The following GRID1 variants were observed in gnomAD, a reference collection of about 807,000 sequenced individuals.
GRID1 encodes the protein glutamate ionotropic receptor delta type subunit 1, also known as glutamate receptor ionotropic, delta-1.
A neutral mutation model predicts 98.0 loss-of-function variants in GRID1; 28 were observed. That is an observed-to-expected ratio of 0.29 (90% confidence interval 0.21 to 0.39). GRID1 has a LOEUF of 0.39. Ranked by LOEUF, GRID1 falls within the 10% of genes least tolerant of loss-of-function variation. The pLI is 1.00. For missense variants in GRID1, 1,111 were observed against 1,340.5 expected, an observed-to-expected ratio of 0.83 and a Z score of 2.67; for synonymous variants, 553 against 538.5, an observed-to-expected ratio of 1.03 and a Z score of -0.37.
At chr10:86,248,645 T>C (rs1369823126) in intron 2 of GRID1, among the ~76,000 whole-genome samples, 1 of 144,506 alleles carries the variant, frequency 6.9e-6, no homozygotes, top group East Asian at 2.4e-4. Flanking sequence ...CAATCTCAAC[T>C]CACTGCAACC....
intron 12 of GRID1, among the ~76,000 whole-genome samples, chr10:85,704,669 C>A (rs1227750830): frequency 6.6e-6 from 1 of 152,172 alleles, no homozygotes; most frequent in Non-Finnish European, 1.5e-5. Context: ...AATATACATT[C>A]TTTTCAGCAA....
At position 85,613,533 on chromosome 10, in the gene GRID1, G is replaced by T. The variant is rs764005467; in HGVS notation, c.2475C>A (p.Ser825=). The T allele has an allele frequency of 2.5e-6, 4 of 1,614,216 alleles. No individual in the cohort carries two copies. The highest frequency in any genetic ancestry group is 3.4e-6 in the Non-Finnish European group (4 of 1,180,046). ...SHASAQADGK[S]LKLHSFAGVF... is the part of the protein sequence containing the mutation. ...CCCCGGCGAAGCTGTGCAGCTTGAG[G>T]GATTTGCCGTCGGCCTGGGCGCTGG... The change falls in exon 15 of 16, where the codon TCC becomes TCA. Residue 825 remains serine (S), a synonymous_variant. Transcript: ENST00000327946.
At chr10:86,005,462 T>C (rs772208269) in intron 4 of GRID1, among the ~76,000 whole-genome samples, 8 of 152,186 alleles carry the variant, frequency 5.3e-5, no homozygotes, top group Non-Finnish European at 7.3e-5. Flanking sequence ...TGGTTAATCA[T>C]GTAGATTAGG....
chr10:86,366,024 G>A lies in GRID1; in HGVS notation c.79+290C>T, dbSNP rs900293636. On this transcript the variant is annotated intron_variant, in intron 1 of 15. Transcript: ENST00000327946. The surrounding 1 kb of genome is among the most constrained non-coding windows in gnomAD (Gnocchi z 4.1). Reference sequence around the variant, plus strand: ...CCGCCGACGGCCCCGCTAAGGGCGCGGGTCTCGACGCGCGTCCATCCCGGT... The same window carrying A: ...CCGCCGACGGCCCCGCTAAGGGCGCAGGTCTCGACGCGCGTCCATCCCGGT... Among the ~76,000 whole-genome samples the A allele has an allele frequency of 6.6e-6, 1 of 152,050 alleles. No homozygotes were observed. Among genetic ancestry groups the A allele is most frequent in the Non-Finnish European group, 1.5e-5 (1 of 67,978 alleles).
At chr10:85,613,699 C>T in intron 14 of GRID1, 52 bp from the exon 15 acceptor site, 1 of 1,575,796 alleles carries the variant, frequency 6.3e-7, no homozygotes, top group Non-Finnish European at 8.6e-7. Flanking sequence ...TCAACTCAGC[C>T]ACCGGGGCCC....
chr10:86,284,199 T>A (rs1328017169), intron 2 of GRID1, among the ~76,000 whole-genome samples: 2 of 151,080 alleles, frequency 1.3e-5, no homozygotes, highest in East Asian at 3.9e-4. Context: ...CCTGCCCTCA[T>A]ACACACACCT....
At chr10:85,776,906 G>A (rs1842336831) in intron 8 of GRID1, among the ~76,000 whole-genome samples, 1 of 152,212 alleles carries the variant, frequency 6.6e-6, no homozygotes, top group Non-Finnish European at 1.5e-5. Context: ...GGGGACACAG[G>A]GAGGCAGAAA....
chr10:86,107,932 C>T (rs749031904), intron 4 of GRID1, among the ~76,000 whole-genome samples: 1 of 152,198 alleles, frequency 6.6e-6, no homozygotes, highest in Non-Finnish European at 1.5e-5. Context: ...AAACCTTGCA[C>T]TCATTCTCCA....
chr10:86,031,647 A>G (rs914373871), intron 4 of GRID1, among the ~76,000 whole-genome samples: 3 of 151,768 alleles, frequency 2.0e-5, no homozygotes, highest in African/African-American at 7.3e-5. Context: ...CAAAGCCCCT[A>G]CCACCTCTTG....
intron 2 of GRID1, among the ~76,000 whole-genome samples, chr10:86,287,681 G>T (rs956362580): frequency 2.0e-5 from 3 of 152,016 alleles, no homozygotes; most frequent in Non-Finnish European, 4.4e-5. Context: ...GCGTATCCTC[G>T]TTTGCCCAGC....
At chr10:86,064,381 CAG>C (rs935998091) in intron 4 of GRID1, among the ~76,000 whole-genome samples, 18 of 152,206 alleles carry the variant, frequency 1.2e-4, no homozygotes, top group African/African-American at 4.3e-4. Context: ...TCTGGGGAGA[CAG>C]GGACAAGAGG....
chr10:85,988,686 T>C (rs527977322), intron 4 of GRID1, among the ~76,000 whole-genome samples: 1 of 152,300 alleles, frequency 6.6e-6, no homozygotes, highest in East Asian at 1.9e-4. Context: ...CACAGGTTGG[T>C]GGTGTGGCCT....
chr10:85,729,929 T>C (rs1401001305), intron 8 of GRID1, among the ~76,000 whole-genome samples: 1 of 152,252 alleles, frequency 6.6e-6, no homozygotes, highest in Non-Finnish European at 1.5e-5. Context: ...AGAGGCCATG[T>C]CACTGTGATG....
intron 4 of GRID1, among the ~76,000 whole-genome samples, chr10:86,030,864 C>T (rs948542798): frequency 6.6e-6 from 1 of 152,166 alleles, no homozygotes; most frequent in African/African-American, 2.4e-5. Context: ...AGGTGAATGC[C>T]AGCAGGAACT....
intron 2 of GRID1, among the ~76,000 whole-genome samples, chr10:86,329,113 C>T (rs980339244): frequency 2.6e-5 from 4 of 152,224 alleles, no homozygotes; most frequent in East Asian, 1.9e-4. Flanking sequence ...GACAAATATC[C>T]GCCAGCATTG....
At chr10:85,857,044 G>A (rs73338595) in intron 6 of GRID1, among the ~76,000 whole-genome samples, 22,113 of 152,164 alleles carry the variant, frequency 0.15, 1,721 homozygotes, top group Middle Eastern at 0.19. Context: ...CACTCTGGTC[G>A]CCGGACACGC....
At chr10:85,887,221 C>G (rs935835655) in intron 5 of GRID1, among the ~76,000 whole-genome samples, 2 of 152,156 alleles carry the variant, frequency 1.3e-5, no homozygotes, top group Admixed American at 1.3e-4. Context: ...GACCAAGGCT[C>G]CATGGAGATC....
At chr10:86,148,264 G>A (rs1845115002) in intron 3 of GRID1, among the ~76,000 whole-genome samples, 1 of 152,224 alleles carries the variant, frequency 6.6e-6, no homozygotes. Context: ...TGGTGTACAT[G>A]CACAATGGAA....
At chr10:86,082,908 G>A (rs1843997713) in intron 4 of GRID1, among the ~76,000 whole-genome samples, 1 of 152,168 alleles carries the variant, frequency 6.6e-6, no homozygotes, top group South Asian at 2.1e-4. Flanking sequence ...GGACAGAGCG[G>A]GTGGAAGCAG....
Sources: gnomAD v4.1 joint callset for allele counts (sites outside exome capture counted in the v4.1 genomes callset) on GRCh38, gnomAD v4.1.1 for gene constraint, Gnocchi (gnomAD v3.1) non-coding constraint, MANE v1.5 for transcripts, NCBI Gene and HGNC (gene_info 2026-07-23, HGNC 2026-07-21) for gene names.